Variants in NUSAP1 observed in about 807,000 individuals in gnomAD.
NUSAP1 encodes nucleolar and spindle-associated protein 1.
NUSAP1 carries 32 observed loss-of-function variants against 52.8 expected under a neutral mutation model. The observed-to-expected ratio is 0.61, with a 90% CI of 0.46 to 0.81. The LOEUF (loss-of-function observed/expected upper bound fraction) is 0.81. NUSAP1 is among the 40% of genes least tolerant of loss of function. NUSAP1 has a pLI of 0.00. For synonymous variants in NUSAP1, 195 were observed against 183.1 expected (o/e 1.06, Z -0.52); for missense variants, 499 against 522.3 (o/e 0.96, Z 0.43).
At chr15:41,337,665 C>T (rs150258791) in intron 1 of NUSAP1, among the ~76,000 whole-genome samples, 1 of 152,188 alleles carries the variant, frequency 6.6e-6, no homozygotes, top group Non-Finnish European at 1.5e-5. Context: ...GCTTGTGTTC[C>T]CTCTCTCCCC....
At chr15:41,336,648 G>GTTTTTTTTTTTTTTTTTTTTTTTT (rs75426159) in intron 1 of NUSAP1, among the ~76,000 whole-genome samples, 3 of 91,372 alleles carry the variant, frequency 3.3e-5, no homozygotes, top group African/African-American at 1.2e-4. Flanking sequence ...CCTCCTTTTG[G>GTTTTTTTTTTTTTTTTTTTTTTTT]TTTTTTTTTT....
intron 3 of NUSAP1, chr15:41,349,462 A>G: frequency 7.0e-6 from 3 of 429,080 alleles, no homozygotes; most frequent in Non-Finnish European, 1.3e-5. Flanking sequence ...CACATTAAAT[A>G]TTTGTTGTAT....
intron 4 of NUSAP1, among the ~76,000 whole-genome samples, chr15:41,353,787 A>G (rs925134954): frequency 7.9e-5 from 12 of 152,078 alleles, no homozygotes; most frequent in African/African-American, 2.9e-4. Flanking sequence ...GGGGCCCTTT[A>G]TGGTTTAACC....
chr15:41,351,038 T>G lies in NUSAP1; in HGVS notation c.357T>G (p.His119Gln). Residue 119 changes from histidine to glutamine, a missense_variant, in exon 4 of 11, where the codon CAT becomes CAG. Physicochemically the swap from His to Gln is conservative, Grantham distance 24 (BLOSUM62 0). Coordinates refer to ENST00000559596, the MANE Select transcript of NUSAP1 (RefSeq NM_016359.5). ...KISNPTEFQN[H>Q]EKQESQDLRA... ...GTAATCCCACTGAATTCCAGAATCA[T>G]GAAAAGCAGGAAAGCCAGGATCTCA... 4 of 1,613,496 alleles carry G rather than the reference T, an allele frequency of 2.5e-6. No individual in the cohort carries two copies. Among genetic ancestry groups the G allele is most frequent in the Non-Finnish European group, 3.4e-6 (4 of 1,179,616 alleles).
intron 6 of NUSAP1, among the ~76,000 whole-genome samples, chr15:41,359,513 T>C (rs1037847866): frequency 2.0e-5 from 3 of 152,196 alleles, no homozygotes; most frequent in Non-Finnish European, 4.4e-5. Context: ...GAAAACTCAC[T>C]GGGTGATAAA....
intron 4 of NUSAP1, among the ~76,000 whole-genome samples, chr15:41,354,497 C>T (rs1238517188): frequency 6.6e-6 from 1 of 150,912 alleles, no homozygotes; most frequent in Admixed American, 6.6e-5. Context: ...AGTGTGAGTC[C>T]GTCTCAAAAC....
intron 9 of NUSAP1, among the ~76,000 whole-genome samples, 193 bp from the exon 10 acceptor site, chr15:41,377,003 G>A (rs1269881259): frequency 6.6e-6 from 1 of 151,894 alleles, no homozygotes; most frequent in Non-Finnish European, 1.5e-5. Flanking sequence ...TTGAGCCCAG[G>A]AGGCGGAGGT....
intron 4 of NUSAP1, among the ~76,000 whole-genome samples, chr15:41,351,717 G>A (rs1241477149): frequency 2.0e-5 from 3 of 152,110 alleles, no homozygotes; most frequent in Admixed American, 1.3e-4. Flanking sequence ...AACCCAGGAG[G>A]TTAAGGCTGC....
At chr15:41,337,478 TC>T (rs2048201332) in intron 1 of NUSAP1, among the ~76,000 whole-genome samples, 1 of 152,216 alleles carries the variant, frequency 6.6e-6, no homozygotes, top group Admixed American at 6.5e-5. Flanking sequence ...CATTAATTTC[TC>T]CACTCTGCTA....
At chr15:41,346,742 G>A (rs1454442216) in intron 2 of NUSAP1, among the ~76,000 whole-genome samples, 1 of 151,726 alleles carries the variant, frequency 6.6e-6, no homozygotes, top group Non-Finnish European at 1.5e-5. Flanking sequence ...CAGGAGAATC[G>A]CTTGAACTCA....
intron 1 of NUSAP1, among the ~76,000 whole-genome samples, chr15:41,338,242 A>G (rs536157447): frequency 2.6e-5 from 4 of 151,994 alleles, no homozygotes; most frequent in East Asian, 1.9e-4. Flanking sequence ...GCCCATTCCC[A>G]TAAGTTAAAA....
chr15:41,358,482 A>T (rs1485881122), intron 6 of NUSAP1, among the ~76,000 whole-genome samples: 1 of 152,184 alleles, frequency 6.6e-6, no homozygotes, highest in African/African-American at 2.4e-5. Flanking sequence ...CATGCCTGTA[A>T]TCCCCGCACT....
At chr15:41,360,806 T>G (rs2049144308) in intron 6 of NUSAP1, among the ~76,000 whole-genome samples, 1 of 150,520 alleles carries the variant, frequency 6.6e-6, no homozygotes, top group Admixed American at 6.6e-5. Context: ...TTTTTTTTTT[T>G]TTTTTTTGCG....
intron 7 of NUSAP1, among the ~76,000 whole-genome samples, chr15:41,368,138 A>C (rs920484349): frequency 1.3e-5 from 2 of 152,140 alleles, no homozygotes; most frequent in African/African-American, 4.8e-5. Context: ...AGGCATCTCT[A>C]GTCAGCCATC....
At chr15:41,334,385 G>T (rs919112288) in intron 1 of NUSAP1, among the ~76,000 whole-genome samples, 3 of 152,132 alleles carry the variant, frequency 2.0e-5, no homozygotes, top group African/African-American at 7.2e-5. Context: ...CAAAGTACTG[G>T]GATTACAGGC....
intron 9 of NUSAP1, among the ~76,000 whole-genome samples, chr15:41,376,677 C>T (rs941737474): frequency 1.3e-5 from 2 of 150,712 alleles, no homozygotes; most frequent in Admixed American, 6.6e-5. Context: ...GGCGACAGAA[C>T]GAGACTCTGT....
At chr15:41,342,333 T>A in intron 1 of NUSAP1, 53 bp from the exon 2 acceptor site, 1 of 1,209,792 alleles carries the variant, frequency 8.3e-7, no homozygotes. Context: ...ATATTCAACG[T>A]ATCTTCCTTG....
chr15:41,359,594 G>C (rs575166276), intron 6 of NUSAP1, among the ~76,000 whole-genome samples: 1 of 151,602 alleles, frequency 6.6e-6, no homozygotes, highest in East Asian at 1.9e-4. Context: ...TCATTTTAAC[G>C]ATGTAAAACC....
rs1438100012 is a variant in NUSAP1 at position 41,380,518 on chromosome 15, C to A, written c.*332C>A. Reference sequence around the variant, plus strand: ...CTAATATTAACAGAACTGCAGTCTTCTGCTAGCCAATAGCATTTACCTGAT... The same window carrying A: ...CTAATATTAACAGAACTGCAGTCTTATGCTAGCCAATAGCATTTACCTGAT... On this transcript the variant is annotated 3_prime_UTR_variant, in exon 11 of 11. Coordinates refer to ENST00000559596, the MANE Select transcript of NUSAP1 (RefSeq NM_016359.5). The A allele has an allele frequency of 2.0e-5, 4 of 199,590 alleles. No individual in the cohort carries two copies. Among genetic ancestry groups the A allele is most frequent in the African/African-American group, 9.5e-5 (4 of 42,104 alleles). 12.4% of individuals were successfully genotyped at this position (199,590 alleles called of 1,614,324 possible). A position where few individuals can be genotyped will look rare whatever the true frequency, so the allele number is the denominator to read the frequency against.
Sources: gnomAD v4.1 joint callset for allele counts (sites outside exome capture counted in the v4.1 genomes callset) on GRCh38, gnomAD v4.1.1 for gene constraint, MANE v1.5 for transcripts, NCBI Gene and HGNC (gene_info 2026-07-23, HGNC 2026-07-21) for gene names.